FGD4: variants seen among roughly 807,000 people sequenced by gnomAD.
The protein encoded by FGD4 is FYVE, RhoGEF and PH domain-containing protein 4.
FGD4 carries 42 observed loss-of-function variants against 102.0 expected under a neutral mutation model. The ratio of observed to expected loss-of-function variants is 0.41; its 90% confidence interval spans 0.32 to 0.53. The LOEUF (loss-of-function observed/expected upper bound fraction) is 0.53, where lower values mean the gene tolerates loss of function less well. FGD4 is among the 20% of genes least tolerant of loss of function. The pLI, the probability that FGD4 is intolerant of heterozygous loss-of-function variation, is 0.21. For synonymous variants in FGD4, 380 were observed against 375.7 expected, an observed-to-expected ratio of 1.01 and a Z score of -0.13; for missense variants, 902 against 1,078.2, an observed-to-expected ratio of 0.84 and a Z score of 2.29.
rs532788110 is a variant in FGD4 at position 32,639,443 on chromosome 12, C to T, written c.2454+648C>T. Among the ~76,000 whole-genome samples, 8 of 152,330 alleles carry T rather than the reference C, an allele frequency of 5.3e-5. No homozygotes were observed. The South Asian group carries it at 1.2e-3, about 24-fold the overall frequency. On this transcript the variant is annotated intron_variant, in intron 16 of 16. Coordinates refer to ENST00000534526, the MANE Select transcript of FGD4 (RefSeq NM_001370298.3). ...CCTCCCAAAGTGCTGGTAATACAGG[C>T]GTGAGCCACTGCGCCCAGCCAATTT... is the stretch of plus-strand genomic sequence containing the variant.
chr12:32,458,266 G>A (rs1459417364), intron 1 of FGD4, among the ~76,000 whole-genome samples: 1 of 151,824 alleles, frequency 6.6e-6, no homozygotes, highest in Admixed American at 6.6e-5. Context: ...ACCTCCCTGG[G>A]CTCAGGTGAT....
At chr12:32,419,197 G>A (rs1452060681) in intron 1 of FGD4, among the ~76,000 whole-genome samples, 1 of 152,128 alleles carries the variant, frequency 6.6e-6, no homozygotes, top group Admixed American at 6.6e-5. Flanking sequence ...CTGTAGCTGA[G>A]CTAATACCTG....
intron 15 of FGD4, among the ~76,000 whole-genome samples, chr12:32,634,086 A>G (rs1950653033): frequency 6.6e-6 from 1 of 152,168 alleles, no homozygotes. Context: ...AATGAGCAAG[A>G]TTTATGCTTT....
At chr12:32,508,928 T>C (rs934017319) in intron 1 of FGD4, among the ~76,000 whole-genome samples, 3 of 152,264 alleles carry the variant, frequency 2.0e-5, no homozygotes, top group African/African-American at 7.2e-5. Context: ...GCGCACACAC[T>C]ATCACACACA....
At chr12:32,602,131 T>A (rs767931694) in intron 6 of FGD4, 30 bp from the exon 7 acceptor site, 15 of 1,611,388 alleles carry the variant, frequency 9.3e-6, no homozygotes, top group Non-Finnish European at 1.2e-5. Context: ...AAATTTTTTT[T>A]AAAGACTTGT....
intron 1 of FGD4, among the ~76,000 whole-genome samples, chr12:32,560,595 T>G (rs992394138): frequency 6.6e-6 from 1 of 152,228 alleles, no homozygotes; most frequent in Non-Finnish European, 1.5e-5. Flanking sequence ...TCATTACTTT[T>G]GCCTTCTAAA....
chr12:32,458,195 G>A, intron 1 of FGD4, among the ~76,000 whole-genome samples: 1 of 151,366 alleles, frequency 6.6e-6, no homozygotes, highest in East Asian at 1.9e-4. Context: ...TTTGAGACAA[G>A]GTCTCATTCT....
In FGD4 at chr12:32,645,853, AG is replaced by A. The variant is rs1951379389; in HGVS notation, c.*5321del. On this transcript the variant is annotated 3_prime_UTR_variant, in exon 17 of 17. Coordinates refer to ENST00000534526, the MANE Select transcript of FGD4 (RefSeq NM_001370298.3). ...TTTTTGGAATTTTACAGTTGACTCA[AG>A]TGTGAAAGTATACACAAGTAATTTT... is the stretch of plus-strand genomic sequence containing the variant. 1 of 152,266 alleles carries A rather than the reference AG, an allele frequency of 6.6e-6. No homozygotes were observed. Among genetic ancestry groups the A allele is most frequent in the Admixed American group, 6.5e-5 (1 of 15,282 alleles). 9.4% of individuals were successfully genotyped at this position (152,266 alleles called of 1,614,324 possible). A position where few individuals can be genotyped will look rare whatever the true frequency, so the allele number is the denominator to read the frequency against.
At chr12:32,551,423 C>G (rs78416080) in intron 1 of FGD4, among the ~76,000 whole-genome samples, 9,089 of 152,206 alleles carry the variant, frequency 0.06, 346 homozygotes, top group South Asian at 0.14. Flanking sequence ...TCACAGCAAC[C>G]TAGGTGGATA....
intron 2 of FGD4, among the ~76,000 whole-genome samples, chr12:32,569,708 C>G (rs535608526): frequency 6.6e-6 from 1 of 152,008 alleles, no homozygotes; most frequent in Non-Finnish European, 1.5e-5. Context: ...TTTTTTTGTT[C>G]ATTTTTCCTT....
intron 1 of FGD4, among the ~76,000 whole-genome samples, chr12:32,550,616 A>G (rs1304811599): frequency 6.9e-6 from 1 of 144,910 alleles, no homozygotes; most frequent in African/African-American, 2.6e-5. Context: ...AGCTGCAGTG[A>G]GCCATGACAG....
chr12:32,516,568 C>A (rs1939908330), intron 1 of FGD4, among the ~76,000 whole-genome samples: 4 of 152,188 alleles, frequency 2.6e-5, no homozygotes, highest in Admixed American at 2.6e-4. Flanking sequence ...GACAAGTTAT[C>A]TGTTGTAAAT....
At position 32,432,535 on chromosome 12, in the gene FGD4, C is replaced by A. The variant is rs58007333; in HGVS notation, c.166+32576C>A. Among the ~76,000 whole-genome samples the A allele has an allele frequency of 6.0e-5, 9 of 149,250 alleles. 2 individuals carry two copies. In the South Asian group the frequency reaches 1.7e-3, roughly 29 times the overall value. ...GGAGGCTGAGATTGAACCCAGGAGG[C>A]GGAGGTTGCAGTGAGCCAAGATCGC... On this transcript the variant is annotated intron_variant, in intron 1 of 16. Transcript: ENST00000534526.
intron 14 of FGD4, among the ~76,000 whole-genome samples, chr12:32,627,680 A>G (rs571147547): frequency 6.6e-6 from 1 of 152,316 alleles, no homozygotes; most frequent in Admixed American, 6.5e-5. Context: ...GCTTAATGGC[A>G]ATGATTTTTC....
intron 1 of FGD4, among the ~76,000 whole-genome samples, chr12:32,461,048 G>C (rs947807761): frequency 2.0e-5 from 3 of 152,156 alleles, no homozygotes; most frequent in Non-Finnish European, 2.9e-5. Flanking sequence ...CCCTACTTGA[G>C]ACATCTTATA....
At chr12:32,633,525 G>C in intron 14 of FGD4, 24 bp from the exon 15 acceptor site, 2 of 1,604,174 alleles carry the variant, frequency 1.2e-6, no homozygotes, top group South Asian at 2.2e-5. Flanking sequence ...TATGATTACT[G>C]TTCATTTTTC....
intron 1 of FGD4, among the ~76,000 whole-genome samples, chr12:32,480,397 C>T (rs560069100): frequency 9.9e-5 from 15 of 151,698 alleles, no homozygotes; most frequent in South Asian, 2.1e-4. Flanking sequence ...CTCTTGTCTT[C>T]GTGATCCGCC....
At chr12:32,609,670 T>G (rs1424522538) in intron 8 of FGD4, among the ~76,000 whole-genome samples, 1 of 144,664 alleles carries the variant, frequency 6.9e-6, no homozygotes, top group African/African-American at 2.7e-5. Context: ...TTCACTCAAA[T>G]TCCAAGGAAA....
chr12:32,572,089 T>TAC (rs533482722), intron 2 of FGD4, among the ~76,000 whole-genome samples: 1 of 151,888 alleles, frequency 6.6e-6, no homozygotes, highest in Non-Finnish European at 1.5e-5. Flanking sequence ...TATGTATGTT[T>TAC]ACACACACAC....
Sources: allele counts gnomAD v4.1 joint callset (sites outside exome capture counted in the v4.1 genomes callset), GRCh38; gene constraint gnomAD v4.1.1; transcripts MANE v1.5; gene names NCBI Gene and HGNC (gene_info 2026-07-23, HGNC 2026-07-21).